Variants in NUDCD1 observed in about 807,000 individuals in gnomAD.
The protein encoded by NUDCD1 is nudC domain-containing protein 1.
A neutral mutation model predicts 67.8 loss-of-function variants in NUDCD1; 60 were observed. That is an observed-to-expected ratio of 0.88 (90% CI 0.72 to 1.10). The LOEUF is 1.10. Ranked by LOEUF, NUDCD1 falls within the 50% of genes least tolerant of loss-of-function variation. The pLI is 0.00. For synonymous variants in NUDCD1, 244 were observed against 230.8 expected (o/e 1.06, Z -0.52); for missense variants, 643 against 695.0 (o/e 0.93, Z 0.84).
intron 2 of NUDCD1, chr8:109,315,536 TTGTC>T (rs2130112409): frequency 6.6e-6 from 1 of 152,292 alleles, no homozygotes; most frequent in Admixed American, 6.5e-5. Flanking sequence ...TAACTAATCA[TTGTC>T]TGAGCATCAG....
chr8:109,293,593 T>G, intron 3 of NUDCD1, 69 bp from the exon 4 acceptor site: 17 of 731,858 alleles, frequency 2.3e-5, no homozygotes, highest in Non-Finnish European at 3.5e-5. Context: ...ATAGAGGGAA[T>G]ATATAGGATT....
At chr8:109,317,880 A>T (rs1241602196) in intron 2 of NUDCD1, among the ~76,000 whole-genome samples, 1 of 152,174 alleles carries the variant, frequency 6.6e-6, no homozygotes, top group Admixed American at 6.5e-5. Flanking sequence ...GAAGCCAAGG[A>T]TATATGGAGA....
chr8:109,274,531 A>G (rs963107855), intron 7 of NUDCD1, among the ~76,000 whole-genome samples: 2 of 152,172 alleles, frequency 1.3e-5, no homozygotes, highest in South Asian at 2.1e-4. Flanking sequence ...GCAGTCCTAC[A>G]TAAGAATTCC....
intron 5 of NUDCD1, among the ~76,000 whole-genome samples, chr8:109,287,185 G>A (rs1003574088): frequency 2.0e-5 from 3 of 152,182 alleles, no homozygotes; most frequent in African/African-American, 7.2e-5. Context: ...TACACTATTG[G>A]TGGGAATGTC....
chr8:109,294,336 C>A (rs1814788291), intron 3 of NUDCD1, among the ~76,000 whole-genome samples: 1 of 152,006 alleles, frequency 6.6e-6, no homozygotes, highest in African/African-American at 2.4e-5. Flanking sequence ...TCATCAAGTT[C>A]CCTATGTATT....
At chr8:109,259,838 C>T (rs1470867067) in intron 8 of NUDCD1, among the ~76,000 whole-genome samples, 1 of 152,108 alleles carries the variant, frequency 6.6e-6, no homozygotes, top group East Asian at 1.9e-4. Context: ...AAAACAGGAG[C>T]AACACAAATT....
intron 2 of NUDCD1, among the ~76,000 whole-genome samples, chr8:109,308,518 C>A (rs1301733896): frequency 6.6e-6 from 1 of 151,764 alleles, no homozygotes; most frequent in African/African-American, 2.4e-5. Context: ...CAAAAAAATA[C>A]AAAAGATAAA....
intron 9 of NUDCD1, 149 bp downstream of exon 9, chr8:109,245,173 A>C: frequency 1.4e-6 from 1 of 701,034 alleles, no homozygotes; most frequent in East Asian, 2.7e-5. Context: ...TAACACTCAC[A>C]ACTAGTACAA....
chr8:109,271,099 C>T lies in NUDCD1; in HGVS notation c.1205G>A (p.Cys402Tyr). Residue 402 changes from cysteine (C) to tyrosine (Y), a missense_variant, in exon 8 of 10, where the codon TGC (cysteine) becomes TAC (tyrosine). Transcript: ENST00000239690. ...NPNPDKEKPP[C>Y]NAQELEECDI... is the part of the protein sequence containing the mutation. Reference sequence around the variant, plus strand: ...ACATTCTTCTAACTCTTGAGCATTGCAAGGTGGTTTTTCTTTATCTGGATT... The same window carrying T: ...ACATTCTTCTAACTCTTGAGCATTGTAAGGTGGTTTTTCTTTATCTGGATT... 1 of 1,578,728 alleles carries T rather than the reference C, an allele frequency of 6.3e-7. No homozygotes were observed. The highest frequency in any genetic ancestry group is 8.6e-7 in the Non-Finnish European group (1 of 1,158,934).
intron 1 of NUDCD1, among the ~76,000 whole-genome samples, chr8:109,326,966 T>C (rs10094863): frequency 0.041 from 6,249 of 152,314 alleles, 183 homozygotes; most frequent in Non-Finnish European, 0.059. Context: ...ATTGCCAATA[T>C]TTAACTCTTT....
chr8:109,264,915 G>A (rs1813958266), intron 8 of NUDCD1, among the ~76,000 whole-genome samples: 1 of 150,834 alleles, frequency 6.6e-6, no homozygotes, highest in African/African-American at 2.4e-5. Flanking sequence ...TATGTTAATA[G>A]GTTATTATTT....
At position 109,271,158 on chromosome 8, in the gene NUDCD1, T is replaced by G. The variant is rs199964088; in HGVS notation, c.1174-28A>C. ...TAGTCCAGAAAATAAAATAAGTAAA[T>G]AAGTAAAACAAATAAACAAGGGAAT... is the stretch of plus-strand genomic sequence containing the variant. On this transcript the variant is annotated intron_variant, in intron 7 of 9. Transcript: ENST00000239690. 311 of 1,451,514 alleles carry G rather than the reference T, an allele frequency of 2.1e-4. 2 individuals are homozygous for G. The African/African-American group carries it at 4.2e-3, about 20-fold the overall frequency. The allele number at this position is 1,451,514 out of a possible 1,614,324, so 89.9% of individuals were successfully genotyped here. A position where few individuals can be genotyped will look rare whatever the true frequency, so the allele number is the denominator to read the frequency against.
chr8:109,264,770 G>A (rs1813953585), intron 8 of NUDCD1, among the ~76,000 whole-genome samples: 1 of 151,362 alleles, frequency 6.6e-6, no homozygotes, highest in Non-Finnish European at 1.5e-5. Flanking sequence ...ATTGAATGCA[G>A]AAGCAGATAT....
chr8:109,278,538 T>C (rs929749814), intron 6 of NUDCD1, among the ~76,000 whole-genome samples: 1 of 152,142 alleles, frequency 6.6e-6, no homozygotes, highest in Admixed American at 6.5e-5. Context: ...ATACAGGCAG[T>C]TCCCTTGGCC....
intron 8 of NUDCD1, among the ~76,000 whole-genome samples, chr8:109,258,414 T>C (rs1407607554): frequency 1.3e-5 from 2 of 152,028 alleles, no homozygotes; most frequent in East Asian, 1.9e-4. Context: ...ACAAACTGCA[T>C]TTATTATCAA....
chr8:109,324,356 T>C (rs1198627312), intron 1 of NUDCD1, among the ~76,000 whole-genome samples: 1 of 151,574 alleles, frequency 6.6e-6, no homozygotes, highest in Non-Finnish European at 1.5e-5. Context: ...TGAGATATCA[T>C]CTTCCTGTAG....
chr8:109,279,856 T>C (rs1011045682), intron 6 of NUDCD1, among the ~76,000 whole-genome samples: 1 of 152,168 alleles, frequency 6.6e-6, no homozygotes, highest in Admixed American at 6.5e-5. Context: ...GGTCTCGAAC[T>C]CCTGACCTCA....
In NUDCD1 at chr8:109,242,224, T is replaced by C. The variant is rs1813383803; in HGVS notation, c.*785A>G. 2.5e-6 allele frequency: 1 copy of C among 397,164 alleles called. No individual in the cohort carries two copies. Among genetic ancestry groups the C allele is most frequent in the African/African-American group, 2.1e-5 (1 of 48,558 alleles). 24.6% of individuals were successfully genotyped at this position (397,164 alleles called of 1,614,324 possible). A position where few individuals can be genotyped will look rare whatever the true frequency, so the allele number is the denominator to read the frequency against. On this transcript the variant is annotated 3_prime_UTR_variant, in exon 10 of 10. Coordinates refer to ENST00000239690, the MANE Select transcript of NUDCD1 (RefSeq NM_032869.4). ...TGATAGATGTACAGGATCGATAAGCTCTTGCATATTGGAGCTTGCTCTCTT... is the reference window on the plus strand; with the variant it reads ...TGATAGATGTACAGGATCGATAAGCCCTTGCATATTGGAGCTTGCTCTCTT...
At chr8:109,264,801 G>A (rs543550904) in intron 8 of NUDCD1, among the ~76,000 whole-genome samples, 18 of 150,812 alleles carry the variant, frequency 1.2e-4, no homozygotes, top group African/African-American at 4.4e-4. Context: ...CTATATTAAT[G>A]CAGACATTAG....
Sources: allele counts gnomAD v4.1 joint callset (sites outside exome capture counted in the v4.1 genomes callset), GRCh38; gene constraint gnomAD v4.1.1; transcripts MANE v1.5; gene names NCBI Gene and HGNC (gene_info 2026-07-23, HGNC 2026-07-21).